The following TCTN2 variants were observed in gnomAD, a reference collection of about 807,000 sequenced individuals.
TCTN2 encodes tectonic-2.
Under a neutral mutation model 83.4 loss-of-function variants are expected in TCTN2, and 66 were observed. The ratio of observed to expected loss-of-function variants is 0.79; its 90% CI spans 0.65 to 0.97. The LOEUF is 0.97. TCTN2 is among the 50% of genes least tolerant of loss of function. The probability of loss-of-function intolerance (pLI) is 0.00; values close to 1 mark genes in which losing one functional copy is unlikely to be tolerated. For synonymous variants in TCTN2, 301 were observed against 326.7 expected (o/e 0.92, Z 0.85); for missense variants, 794 against 858.1 (o/e 0.93, Z 0.93).
chr12:123,674,783 A>G (rs1440982452), intron 4 of TCTN2, among the ~76,000 whole-genome samples: 1 of 152,130 alleles, frequency 6.6e-6, no homozygotes, highest in East Asian at 1.9e-4. Context: ...CCTAGCTACT[A>G]GGGAGGCTGA....
rs145656954 is a variant in TCTN2, at chr12:123,679,456, G to A, written c.564+167G>A. On this transcript the variant is annotated intron_variant, in intron 5 of 17. Coordinates refer to ENST00000303372, the MANE Select transcript of TCTN2 (RefSeq NM_024809.5). The stretch of plus-strand genomic sequence containing the variant: ...GGCTCACTGCAGCCTCGACCTCCCG[G>A]GCTCAAGTGATTCTCTTACCTCAGC... Among the ~76,000 whole-genome samples, 856 of 152,138 alleles carry A rather than the reference G, an allele frequency of 5.6e-3. 20 individuals are homozygous for A. Among genetic ancestry groups the A allele is most frequent in the Admixed American group, 0.047 (717 of 15,250 alleles).
intron 5 of TCTN2, among the ~76,000 whole-genome samples, chr12:123,680,340 G>A (rs547523540): frequency 2.4e-5 from 3 of 123,466 alleles, no homozygotes; most frequent in African/African-American, 9.4e-5. Flanking sequence ...CAACAAGAGC[G>A]AAACTCCGTT....
chr12:123,699,294 A>G (rs1956145061), intron 13 of TCTN2, among the ~76,000 whole-genome samples: 1 of 151,950 alleles, frequency 6.6e-6, no homozygotes, highest in African/African-American at 2.4e-5. Flanking sequence ...AGTTGGAACT[A>G]TAGGTGCATA....
At chr12:123,707,547 A>G (rs903660843) in intron 17 of TCTN2, 57 bp from the exon 18 acceptor site, 86 of 1,513,412 alleles carry the variant, frequency 5.7e-5, no homozygotes, top group Non-Finnish European at 7.4e-5. Flanking sequence ...CTATACCTAC[A>G]CTGTTATCAA....
chr12:123,692,456 G>C (rs750815793), intron 8 of TCTN2, among the ~76,000 whole-genome samples: 1 of 152,150 alleles, frequency 6.6e-6, no homozygotes, highest in Non-Finnish European at 1.5e-5. Context: ...GTTTGTTGTG[G>C]ATTTTCTTCC....
At chr12:123,683,345 A>C (rs1239291224) in intron 5 of TCTN2, among the ~76,000 whole-genome samples, 1 of 151,706 alleles carries the variant, frequency 6.6e-6, no homozygotes, top group Non-Finnish European at 1.5e-5. Context: ...CAGTGGTGCC[A>C]TCTCCGCTCA....
At chr12:123,698,745 C>G (rs757371540) in intron 13 of TCTN2, among the ~76,000 whole-genome samples, 1 of 152,186 alleles carries the variant, frequency 6.6e-6, no homozygotes, top group Non-Finnish European at 1.5e-5. Flanking sequence ...TGCACTCTTA[C>G]ACACGTTTTA....
intron 7 of TCTN2, 60 bp downstream of exon 7, chr12:123,688,237 A>C: frequency 6.6e-7 from 1 of 1,525,140 alleles, no homozygotes; most frequent in Non-Finnish European, 8.9e-7. Flanking sequence ...TTTTTATGAG[A>C]CGGAGTCTCG....
rs116400687 is a variant in TCTN2, at chr12:123,691,397, A to G, written c.1033+723A>G. On this transcript the variant is annotated intron_variant, in intron 8 of 17. Transcript: ENST00000303372. The stretch of plus-strand genomic sequence containing the variant: ...GTGTTCCCTAGAAACAGAATCATAC[A>G]CTATGTGGCCTTTTGTGTCTGGCTT... Among the ~76,000 whole-genome samples the G allele has an allele frequency of 2.0e-3, 306 of 152,246 alleles. 1 individual carries two copies. Among genetic ancestry groups the G allele is most frequent in the African/African-American group, 6.7e-3 (279 of 41,546 alleles).
At chr12:123,677,397 T>C (rs1593835390) in intron 4 of TCTN2, among the ~76,000 whole-genome samples, 1 of 152,230 alleles carries the variant, frequency 6.6e-6, no homozygotes, top group Admixed American at 6.5e-5. Context: ...TTAACTGTTA[T>C]GTGGGGTTTA....
At chr12:123,671,914 G>A (rs768391547) in intron 2 of TCTN2, 142 bp from the exon 3 acceptor site, 2 of 795,348 alleles carry the variant, frequency 2.5e-6, no homozygotes, top group Non-Finnish European at 4.5e-6. Context: ...GTTCAGAGAG[G>A]TTGTCACTGT....
intron 6 of TCTN2, 65 bp from the exon 7 acceptor site, chr12:123,687,986 C>T (rs2135836060): frequency 1.9e-6 from 3 of 1,598,918 alleles, no homozygotes; most frequent in East Asian, 4.5e-5. Flanking sequence ...TAAAGAACAA[C>T]ATTAAGGAAG....
rs1219727981 is a variant in TCTN2, at chr12:123,686,910, T to C, written c.639T>C (p.Pro213=). ...FTGVFGGDVN[P]PFDQLCSAGT... ...GCGTGTTTGGAGGAGACGTCAATCC[T>C]CCTTTTGATCAGCTCTGCTCTGCTG... The change falls in exon 6 of 18, where the codon CCT becomes CCC. Residue 213 remains proline, a synonymous_variant. Coordinates refer to ENST00000303372, the MANE Select transcript of TCTN2 (RefSeq NM_024809.5). 2.5e-6 allele frequency: 4 copies of C among 1,614,096 alleles called. No individual in the cohort carries two copies. The Admixed American group carries it at 6.7e-5, about 27-fold the overall frequency.
At chr12:123,689,270 T>A (rs1054253906) in intron 7 of TCTN2, among the ~76,000 whole-genome samples, 3 of 151,956 alleles carry the variant, frequency 2.0e-5, no homozygotes, top group South Asian at 4.2e-4. Flanking sequence ...CCCAGGCTGG[T>A]CTTTTTAACT....
At chr12:123,686,783 GC>G in intron 5 of TCTN2, 52 bp from the exon 6 acceptor site, 1 of 1,580,782 alleles carries the variant, frequency 6.3e-7, no homozygotes, top group Non-Finnish European at 8.7e-7. Context: ...CGCTACGCTT[GC>G]CAGGAGATCC....
intron 11 of TCTN2, chr12:123,695,846 AT>A (rs770935594): frequency 7.8e-3 from 1,090 of 139,664 alleles, no homozygotes; most frequent in South Asian, 0.018. Flanking sequence ...CACTGTATTC[AT>A]TTTTTTTTTT....
chr12:123,684,332 T>C (rs1322339022), intron 5 of TCTN2, among the ~76,000 whole-genome samples: 2 of 151,952 alleles, frequency 1.3e-5, no homozygotes, highest in African/African-American at 4.8e-5. Flanking sequence ...AATTTTTAAG[T>C]GTCCTATCAT....
intron 13 of TCTN2, among the ~76,000 whole-genome samples, chr12:123,697,499 T>A (rs977722794): frequency 1.3e-5 from 2 of 152,136 alleles, no homozygotes; most frequent in Non-Finnish European, 2.9e-5. Context: ...TTTGTTGTTG[T>A]TGTGTGGTTT....
intron 13 of TCTN2, 49 bp downstream of exon 13, chr12:123,697,247 GAATT>G (rs1201750799): frequency 7.5e-7 from 1 of 1,325,732 alleles, no homozygotes; most frequent in Non-Finnish European, 1.1e-6. Context: ...GGTTTGCCTA[GAATT>G]AATTCACTAC....
Sources: gnomAD v4.1 joint callset for allele counts (sites outside exome capture counted in the v4.1 genomes callset) on GRCh38, gnomAD v4.1.1 for gene constraint, MANE v1.5 for transcripts, NCBI Gene and HGNC (gene_info 2026-07-23, HGNC 2026-07-21) for gene names.